Variants in CCL28 observed in about 807,000 individuals in gnomAD.
CCL28 encodes the protein C-C motif chemokine 28.
Under a neutral mutation model 7.1 loss-of-function variants are expected in CCL28, and 4 were observed. The observed-to-expected ratio is 0.56, with a 90% CI of 0.28 to 1.29. CCL28 has a LOEUF of 1.29. CCL28 is among the 50% of genes most tolerant of loss of function. The pLI is 0.11. For synonymous variants in CCL28, 55 were observed against 57.8 expected, an observed-to-expected ratio of 0.95 and a Z score of 0.22; for missense variants, 151 against 163.4, an observed-to-expected ratio of 0.92 and a Z score of 0.41.
the CCL28 span, among the ~76,000 whole-genome samples, chr5:43,363,074 G>A: frequency 2.0e-5 from 3 of 152,122 alleles, no homozygotes; most frequent in East Asian, 5.8e-4. Flanking sequence ...ACAAGAACTA[G>A]AGTATTTCCT....
the CCL28 span, among the ~76,000 whole-genome samples, chr5:43,358,755 A>G: frequency 6.6e-6 from 1 of 152,230 alleles, no homozygotes; most frequent in African/African-American, 2.4e-5. Context: ...ATATTTACAG[A>G]TAAACAAACC....
chr5:43,363,288 G>C, the CCL28 span, among the ~76,000 whole-genome samples: 1 of 152,144 alleles, frequency 6.6e-6, no homozygotes, highest in Non-Finnish European at 1.5e-5. Context: ...TATTCACTGA[G>C]CACCTTCCAC....
chr5:43,359,287 C>T, the CCL28 span, among the ~76,000 whole-genome samples: 1 of 152,184 alleles, frequency 6.6e-6, no homozygotes, highest in East Asian at 1.9e-4. Flanking sequence ...TATTTATTAA[C>T]AGCAAGCCAG....
At chr5:43,398,431 C>A (rs182066309) in intron 1 of CCL28, among the ~76,000 whole-genome samples, 14 of 152,250 alleles carry the variant, frequency 9.2e-5, no homozygotes, top group African/African-American at 3.1e-4. Flanking sequence ...CACTTTGTGC[C>A]CAGGCAGAGC....
At chr5:43,386,123 G>A (rs1740325824) in intron 2 of CCL28, among the ~76,000 whole-genome samples, 1 of 152,150 alleles carries the variant, frequency 6.6e-6, no homozygotes, top group Admixed American at 6.5e-5. Flanking sequence ...TGAAAATTTG[G>A]AGTTTCTCAG....
intron 2 of CCL28, among the ~76,000 whole-genome samples, chr5:43,387,209 A>T (rs1054517143): frequency 6.6e-6 from 1 of 152,156 alleles, no homozygotes; most frequent in African/African-American, 2.4e-5. Context: ...TTAGAATGAC[A>T]TTGGAGGTGT....
At position 43,402,032 on chromosome 5, in the gene CCL28, A is replaced by C. The variant is rs146922362; in HGVS notation, c.64+10221T>G. On this transcript the variant is annotated intron_variant, in intron 1 of 2. Coordinates refer to ENST00000361115, the MANE Select transcript of CCL28 (RefSeq NM_148672.3). ...CCTACAGGCAGGTTTGTAGCCCAGC[A>C]TGTCCAGTGAGATGCTTCCCTGTGA... is the stretch of plus-strand genomic sequence containing the variant. Among the ~76,000 whole-genome samples the C allele has an allele frequency of 6.7e-4, 102 of 152,320 alleles. 2 individuals are homozygous for C. Among genetic ancestry groups the C allele is most frequent in the African/African-American group, 2.2e-3 (93 of 41,574 alleles).
At chr5:43,373,735 T>A (rs111828298), downstream of CCL28, among the ~76,000 whole-genome samples, 798 of 152,368 alleles carry the variant, frequency 5.2e-3, 6 homozygotes, top group Non-Finnish European at 8.5e-3. Flanking sequence ...GTTCCCACAT[T>A]CTTTCCAAAA....
the CCL28 span, among the ~76,000 whole-genome samples, chr5:43,370,740 C>T: frequency 2.9e-4 from 11 of 38,276 alleles, 3 homozygotes; most frequent in African/African-American, 3.8e-4. Flanking sequence ...CTCTCTTTCT[C>T]TCTCTTTTTT....
chr5:43,359,825 AC>A, the CCL28 span, among the ~76,000 whole-genome samples: 2 of 151,658 alleles, frequency 1.3e-5, no homozygotes, highest in Non-Finnish European at 2.9e-5. Context: ...ACTGAATGAC[AC>A]CCCCCAGGCC....
Position 43,389,235 on chromosome 5 carries a change from C to T in CCL28, c.65-759G>A, listed in dbSNP as rs147639981. Among the ~76,000 whole-genome samples, 769 of 152,284 alleles carry T rather than the reference C, an allele frequency of 5.0e-3. 9 individuals are homozygous for T. The highest frequency in any genetic ancestry group is 0.018 in the African/African-American group (737 of 41,566). On this transcript the variant is annotated intron_variant, in intron 1 of 2. Transcript: ENST00000361115. The stretch of plus-strand genomic sequence containing the variant: ...ATTAGATATTGGTGATCACACAATT[C>T]TGTGAATATATTGAAGACCACTGAA...
chr5:43,371,730 T>C (rs1209108755), downstream of CCL28, among the ~76,000 whole-genome samples: 1 of 152,210 alleles, frequency 6.6e-6, no homozygotes, highest in African/African-American at 2.4e-5. Context: ...AAATTCCTTA[T>C]CCACAGACAC....
the CCL28 span, among the ~76,000 whole-genome samples, chr5:43,359,583 G>C: frequency 2.0e-5 from 3 of 152,184 alleles, no homozygotes; most frequent in African/African-American, 7.2e-5. Flanking sequence ...CAGAGATTTT[G>C]TTTATGGCCA....
At chr5:43,385,470 C>G (rs535602247) in intron 2 of CCL28, among the ~76,000 whole-genome samples, 25 of 152,290 alleles carry the variant, frequency 1.6e-4, no homozygotes, top group Middle Eastern at 3.4e-3. Context: ...CTTTCTGCAT[C>G]TTAAACACTT....
the CCL28 span, among the ~76,000 whole-genome samples, chr5:43,369,071 AG>A: frequency 6.9e-5 from 10 of 143,960 alleles, no homozygotes; most frequent in Non-Finnish European, 1.4e-4. Flanking sequence ...AGAGAGAGAG[AG>A]AGAGAGAGAG....
intron 1 of CCL28, 33 bp downstream of exon 1, chr5:43,412,220 G>C: frequency 6.3e-7 from 1 of 1,582,574 alleles, no homozygotes; most frequent in Non-Finnish European, 8.6e-7. Flanking sequence ...CCCCTTTCCA[G>C]TGAAGGCCTA....
chr5:43,358,447 G>C, the CCL28 span, among the ~76,000 whole-genome samples: 985 of 152,292 alleles, frequency 6.5e-3, 11 homozygotes, highest in African/African-American at 0.023. Context: ...GCCAAAACTG[G>C]CCTGTTTGAA....
intron 2 of CCL28, among the ~76,000 whole-genome samples, chr5:43,386,442 G>A (rs965872712): frequency 1.3e-5 from 2 of 152,166 alleles, no homozygotes; most frequent in African/African-American, 4.8e-5. Flanking sequence ...CTGAGCCAAT[G>A]GAGCCACGTG....
chr5:43,357,693 A>T, the CCL28 span, among the ~76,000 whole-genome samples: 2 of 152,278 alleles, frequency 1.3e-5, no homozygotes, highest in Non-Finnish European at 2.9e-5. Context: ...GGGGGGGAAA[A>T]AAAAGGGAAG....
Sources: allele counts gnomAD v4.1 joint callset (sites outside exome capture counted in the v4.1 genomes callset), GRCh38; gene constraint gnomAD v4.1.1; transcripts MANE v1.5; gene names NCBI Gene and HGNC (gene_info 2026-07-23, HGNC 2026-07-21).